Variants in GOPC observed in about 807,000 individuals in gnomAD.
GOPC encodes the protein golgi associated PDZ and coiled-coil motif containing, also known as Golgi-associated PDZ and coiled-coil motif-containing protein.
In GOPC, 32 loss-of-function variants were observed where a neutral mutation model predicts 51.2. The ratio of observed to expected loss-of-function variants is 0.63; its 90% CI spans 0.47 to 0.84. The LOEUF (loss-of-function observed/expected upper bound fraction) is 0.84. Ranked by LOEUF, GOPC falls within the 40% of genes least tolerant of loss-of-function variation. The pLI is 0.00. For synonymous variants in GOPC, 190 were observed against 205.1 expected, an observed-to-expected ratio of 0.93 and a Z score of 0.63; for missense variants, 441 against 555.5, an observed-to-expected ratio of 0.79 and a Z score of 2.07.
chr6:117,579,174 C>G (rs1394139591), intron 1 of GOPC, 110 bp from the exon 2 acceptor site: 6 of 795,478 alleles, frequency 7.5e-6, no homozygotes, highest in Non-Finnish European at 1.1e-5. Flanking sequence ...AATAAATACA[C>G]AAACATTAGA....
chr6:117,578,529 GAAA>G (rs1422523594), intron 2 of GOPC, among the ~76,000 whole-genome samples: 20 of 151,964 alleles, frequency 1.3e-4, no homozygotes, highest in Non-Finnish European at 1.5e-5. Flanking sequence ...TCATTTCAGA[GAAA>G]AATAAGTACT....
intron 3 of GOPC, chr6:117,575,561 C>G (rs761935615): frequency 5.4e-6 from 4 of 741,584 alleles, no homozygotes. Flanking sequence ...CATGGGTTAC[C>G]CTGATATGGA....
chr6:117,578,215 T>C (rs1255489408), intron 2 of GOPC, among the ~76,000 whole-genome samples: 1 of 152,154 alleles, frequency 6.6e-6, no homozygotes, highest in Non-Finnish European at 1.5e-5. Flanking sequence ...ACTCCAGTTT[T>C]ACTGGAAGTG....
intron 1 of GOPC, among the ~76,000 whole-genome samples, chr6:117,581,172 A>C (rs2114616512): frequency 6.6e-6 from 1 of 152,332 alleles, no homozygotes; most frequent in African/African-American, 2.4e-5. Context: ...CACTAGGAGC[A>C]CAGAGATGTG....
rs758508033 is a variant in GOPC, at chr6:117,566,891, A to G, written c.1221T>C (p.Ser407=). The change falls in exon 8 of 9, where the codon AGT becomes AGC. Residue 407 remains serine (S), a synonymous_variant. Coordinates refer to ENST00000368498, the MANE Select transcript of GOPC (RefSeq NM_020399.4). ...ELEGGGNPGA[S]CKDTSGEIKV... The stretch of plus-strand genomic sequence containing the variant: ...TGATTTCCCCACTTGTGTCTTTGCA[A>G]CTAGCACCAGGGTTACCACCTCCTT... 9 of 1,597,792 alleles carry G rather than the reference A, an allele frequency of 5.6e-6. No homozygotes were observed. Among genetic ancestry groups the G allele is most frequent in the Admixed American group, 1.8e-5 (1 of 56,766 alleles).
chr6:117,597,257 T>C (rs1780210749), intron 1 of GOPC, among the ~76,000 whole-genome samples: 1 of 152,224 alleles, frequency 6.6e-6, no homozygotes, highest in Non-Finnish European at 1.5e-5. Flanking sequence ...TTTTGCTGAA[T>C]TCATTTACCA....
intron 1 of GOPC, among the ~76,000 whole-genome samples, chr6:117,599,015 G>A (rs1404415607): frequency 2.0e-5 from 3 of 151,886 alleles, no homozygotes; most frequent in East Asian, 1.9e-4. Context: ...AAAAAGATGC[G>A]ACTATTATGT....
At chr6:117,592,685 T>TAC (rs1162538306) in intron 1 of GOPC, among the ~76,000 whole-genome samples, 2 of 152,142 alleles carry the variant, frequency 1.3e-5, no homozygotes, top group African/African-American at 4.8e-5. Flanking sequence ...CCTCCATCTT[T>TAC]ACATAATTAC....
intron 8 of GOPC, 113 bp from the exon 9 acceptor site, chr6:117,563,497 G>A: frequency 1.0e-6 from 1 of 953,376 alleles, no homozygotes; most frequent in Non-Finnish European, 1.6e-6. Context: ...CAAGGTGGGT[G>A]GATAACCTGA....
chr6:117,590,610 T>C (rs146872288), intron 1 of GOPC, among the ~76,000 whole-genome samples: 1 of 151,746 alleles, frequency 6.6e-6, no homozygotes, highest in African/African-American at 2.4e-5. Flanking sequence ...AAGATTACAT[T>C]TCCAATTGTG....
rs939991840 is a variant in GOPC at position 117,602,450 on chromosome 6, G to A, written c.-162C>T. On this transcript the variant is annotated 5_prime_UTR_variant, in exon 1 of 9. Transcript: ENST00000368498. ...CAGCAGCACAGTCACAGAACCGCAGGAGTAACGAGGCTGAAGCTGAGGCGG... is the reference window on the plus strand; with the variant it reads ...CAGCAGCACAGTCACAGAACCGCAGAAGTAACGAGGCTGAAGCTGAGGCGG... 6.0e-6 allele frequency: 4 copies of A among 670,308 alleles called. No individual in the cohort carries two copies. Among genetic ancestry groups the A allele is most frequent in the Non-Finnish European group, 9.9e-6 (4 of 402,588 alleles). The allele number at this position is 670,308 out of a possible 1,614,324, so 41.5% of individuals were successfully genotyped here.
chr6:117,572,546 T>C (rs554278698), intron 5 of GOPC, among the ~76,000 whole-genome samples: 1 of 152,304 alleles, frequency 6.6e-6, no homozygotes, highest in Non-Finnish European at 1.5e-5. Context: ...CTCTATTTAG[T>C]ATAAAATAAT....
chr6:117,577,367 T>C, intron 3 of GOPC, 81 bp downstream of exon 3: 1 of 1,255,648 alleles, frequency 8.0e-7, no homozygotes, highest in Non-Finnish European at 1.1e-6. Flanking sequence ...ATACAATGAG[T>C]GACAACATAT....
intron 8 of GOPC, among the ~76,000 whole-genome samples, chr6:117,566,056 T>A (rs768209259): frequency 6.6e-6 from 1 of 152,128 alleles, no homozygotes; most frequent in Admixed American, 6.5e-5. Flanking sequence ...AAAATTGGTA[T>A]CTTCTTCTTT....
chr6:117,599,447 G>T (rs1313065012), intron 1 of GOPC, among the ~76,000 whole-genome samples: 1 of 152,160 alleles, frequency 6.6e-6, no homozygotes, highest in Non-Finnish European at 1.5e-5. Context: ...ACTTTGAAAG[G>T]CACTGCTGAC....
chr6:117,599,732 A>G (rs1341771532), intron 1 of GOPC, among the ~76,000 whole-genome samples: 6 of 152,226 alleles, frequency 3.9e-5, no homozygotes, highest in Admixed American at 2.6e-4. Flanking sequence ...ACCAGGACAT[A>G]AAGTCAGAAT....
intron 6 of GOPC, 85 bp from the exon 7 acceptor site, chr6:117,569,821 A>G: frequency 7.2e-7 from 1 of 1,381,458 alleles, no homozygotes; most frequent in Non-Finnish European, 9.5e-7. Flanking sequence ...ATTTTCTTAA[A>G]AATATATTTC....
At chr6:117,585,829 G>C (rs903950191) in intron 1 of GOPC, among the ~76,000 whole-genome samples, 1 of 152,174 alleles carries the variant, frequency 6.6e-6, no homozygotes, top group Non-Finnish European at 1.5e-5. Context: ...AGACACACCT[G>C]TAGGCATGCA....
rs1779592180 is a variant in GOPC at position 117,561,953 on chromosome 6, A to C, written c.*1301T>G. 4.8e-6 allele frequency: 1 copy of C among 207,794 alleles called. No individual in the cohort carries two copies. Among genetic ancestry groups the C allele is most frequent in the African/African-American group, 2.3e-5 (1 of 43,966 alleles). The allele number at this position is 207,794 out of a possible 1,614,324, so 12.9% of individuals were successfully genotyped here. On this transcript the variant is annotated 3_prime_UTR_variant, in exon 9 of 9. Transcript: ENST00000368498. ...TAACATCTGAATACCAGAAATGAAG[A>C]TACTGATAATATTCTAAAAGCCTTG...
Sources: gnomAD v4.1 joint callset for allele counts (sites outside exome capture counted in the v4.1 genomes callset) on GRCh38, gnomAD v4.1.1 for gene constraint, MANE v1.5 for transcripts, NCBI Gene and HGNC (gene_info 2026-07-23, HGNC 2026-07-21) for gene names.